The following XRCC5 variants were observed in gnomAD, a reference collection of about 807,000 sequenced individuals.
The protein encoded by XRCC5 is DNA repair protein Ku80.
Under a neutral mutation model 95.7 loss-of-function variants are expected in XRCC5, and 12 were observed. That is an observed-to-expected ratio of 0.13 (90% CI 0.08 to 0.20). The LOEUF is 0.20. XRCC5 is among the 10% of genes least tolerant of loss of function. The pLI, the probability that XRCC5 is intolerant of heterozygous loss-of-function variation, is 1.00. For synonymous variants in XRCC5, 281 were observed against 290.3 expected (o/e 0.97, Z 0.33); for missense variants, 595 against 873.9 (o/e 0.68, Z 4.02).
At chr2:216,129,333 GT>G (rs1309090089) in intron 8 of XRCC5, among the ~76,000 whole-genome samples, 7 of 152,094 alleles carry the variant, frequency 4.6e-5, no homozygotes, top group Non-Finnish European at 1.0e-4. Flanking sequence ...TTTGCTTTTT[GT>G]TTTTTGTTTT....
chr2:216,183,046 T>C (rs1483785288), intron 16 of XRCC5, among the ~76,000 whole-genome samples: 3 of 152,172 alleles, frequency 2.0e-5, no homozygotes, highest in Non-Finnish European at 4.4e-5. Context: ...ATCATAATGC[T>C]CTCTTACATA....
intron 14 of XRCC5, among the ~76,000 whole-genome samples, chr2:216,149,372 A>G (rs1345354991): frequency 1.3e-5 from 2 of 152,068 alleles, no homozygotes; most frequent in African/African-American, 2.4e-5. Context: ...AAGGAAATTG[A>G]TAGATTGTTT....
At chr2:216,180,047 T>A (rs891242887) in intron 16 of XRCC5, among the ~76,000 whole-genome samples, 1 of 152,212 alleles carries the variant, frequency 6.6e-6, no homozygotes, top group Non-Finnish European at 1.5e-5. Context: ...AGATTTTTAG[T>A]CTGAGCAACT....
chr2:216,147,835 C>T (rs2106018894), intron 13 of XRCC5, among the ~76,000 whole-genome samples: 1 of 152,280 alleles, frequency 6.6e-6, no homozygotes, highest in Non-Finnish European at 1.5e-5. Flanking sequence ...AGGTGAGGCT[C>T]CTTTCCAGGA....
At chr2:216,200,308 G>C (rs1045581159) in intron 19 of XRCC5, among the ~76,000 whole-genome samples, 5 of 152,194 alleles carry the variant, frequency 3.3e-5, no homozygotes, top group African/African-American at 7.2e-5. Flanking sequence ...GTGAAGGATT[G>C]AAGACAAAGG....
chr2:216,120,320 C>T (rs907686120), intron 5 of XRCC5, among the ~76,000 whole-genome samples: 1 of 152,176 alleles, frequency 6.6e-6, no homozygotes. Flanking sequence ...GAATGTCATT[C>T]GAAAGAGCTA....
chr2:216,150,560 G>A (rs1370607920), intron 14 of XRCC5, among the ~76,000 whole-genome samples: 1 of 152,164 alleles, frequency 6.6e-6, no homozygotes, highest in Non-Finnish European at 1.5e-5. Flanking sequence ...AACCCGTGCA[G>A]TGTGTTACTA....
intron 14 of XRCC5, among the ~76,000 whole-genome samples, chr2:216,154,542 T>G (rs1340504645): frequency 6.6e-6 from 1 of 152,212 alleles, no homozygotes; most frequent in Non-Finnish European, 1.5e-5. Flanking sequence ...CTAATTTGTC[T>G]TACCCCTTTC....
intron 16 of XRCC5, chr2:216,175,313 C>T: frequency 2.2e-6 from 1 of 455,966 alleles, no homozygotes; most frequent in South Asian, 1.7e-5. Flanking sequence ...TCCTCTTCCA[C>T]CAAAGTTTCC....
At chr2:216,131,169 C>T (rs1559241683) in intron 9 of XRCC5, 182 bp downstream of exon 9, 21 of 985,102 alleles carry the variant, frequency 2.1e-5, no homozygotes, top group Non-Finnish European at 2.4e-5. Flanking sequence ...GGTTCAGAGC[C>T]GTTAAGTAAA....
At chr2:216,173,602 T>G (rs207931) in intron 16 of XRCC5, among the ~76,000 whole-genome samples, 60,397 of 152,136 alleles carry the variant, frequency 0.4, 12,789 homozygotes, top group Non-Finnish European at 0.49. Flanking sequence ...ATTTAGCTAA[T>G]GCTACAGTTT....
chr2:216,187,945 C>T (rs917599713), intron 16 of XRCC5, among the ~76,000 whole-genome samples: 13 of 151,050 alleles, frequency 8.6e-5, no homozygotes, highest in Non-Finnish European at 1.6e-4. Context: ...ACTATCCAAC[C>T]GCTAAAATTT....
chr2:216,148,698 A>G (rs1348167372), intron 14 of XRCC5, among the ~76,000 whole-genome samples: 1 of 152,194 alleles, frequency 6.6e-6, no homozygotes, highest in Non-Finnish European at 1.5e-5. Context: ...TTTGGAGGAA[A>G]AGTGGGAACA....
chr2:216,145,445 T>C (rs1688610540), intron 13 of XRCC5, among the ~76,000 whole-genome samples: 1 of 152,240 alleles, frequency 6.6e-6, no homozygotes, highest in African/African-American at 2.4e-5. Context: ...TTTTGAGCTA[T>C]TGTGGTCTGT....
rs184978156 is a variant in XRCC5 at position 216,182,648 on chromosome 2, T to C, written c.1835-7577T>C. 1.6e-3 allele frequency among the ~76,000 whole-genome samples: 242 copies of C among 152,338 alleles called. 2 individuals are homozygous for C. Among genetic ancestry groups the C allele is most frequent in the Admixed American group, 4.5e-3 (69 of 15,310 alleles). The stretch of plus-strand genomic sequence containing the variant: ...ATATATTTCCTAAAAAGCTGAAAGA[T>C]ATCATTTCCTCATTTAATTAGAAAG... On this transcript the variant is annotated intron_variant, in intron 16 of 20. Transcript: ENST00000392132.
chr2:216,122,307 C>G, intron 6 of XRCC5, 54 bp downstream of exon 6: 2 of 1,526,138 alleles, frequency 1.3e-6, no homozygotes, highest in East Asian at 4.5e-5. Context: ...GTAAATTTCT[C>G]TTTTGATTAG....
At chr2:216,166,531 G>A (rs1205254687) in intron 16 of XRCC5, among the ~76,000 whole-genome samples, 1 of 152,044 alleles carries the variant, frequency 6.6e-6, no homozygotes. Flanking sequence ...CCATCATCTG[G>A]GATTTGTTAC....
intron 10 of XRCC5, among the ~76,000 whole-genome samples, chr2:216,135,793 T>C (rs1697064962): frequency 1.5e-5 from 2 of 136,820 alleles, no homozygotes; most frequent in Non-Finnish European, 3.1e-5. Flanking sequence ...AGTGAGACTC[T>C]GTCTCAAAAA....
chr2:216,116,632 T>C, intron 2 of XRCC5, 27 bp from the exon 3 acceptor site: 1 of 1,613,854 alleles, frequency 6.2e-7, no homozygotes, highest in East Asian at 2.2e-5. Context: ...CTAATATGGT[T>C]TTCAGCCATC....
Sources: allele counts gnomAD v4.1 joint callset (sites outside exome capture counted in the v4.1 genomes callset), GRCh38; gene constraint gnomAD v4.1.1; transcripts MANE v1.5; gene names NCBI Gene and HGNC (gene_info 2026-07-23, HGNC 2026-07-21).